TM9SF2: variants seen among roughly 807,000 people sequenced by gnomAD.
TM9SF2 encodes the protein transmembrane 9 superfamily member 2, also known as 76 kDa membrane protein.
Under a neutral mutation model 84.9 loss-of-function variants are expected in TM9SF2, and 13 were observed. The observed-to-expected ratio is 0.15, with a 90% CI of 0.10 to 0.24. TM9SF2 has a LOEUF of 0.24. TM9SF2 is among the 10% of genes least tolerant of loss of function. The probability of loss-of-function intolerance (pLI) is 1.00; values close to 1 mark genes in which losing one functional copy is unlikely to be tolerated. For missense variants in TM9SF2, 562 were observed against 818.5 expected (o/e 0.69, Z 3.82); for synonymous variants, 273 against 285.8 (o/e 0.96, Z 0.45).
At chr13:99,554,511 TTTTG>T (rs1289564121) in intron 14 of TM9SF2, 56 bp downstream of exon 14, 41 of 1,545,754 alleles carry the variant, frequency 2.7e-5, no homozygotes, top group Non-Finnish European at 7.0e-6. Flanking sequence ...AATATTTCCT[TTTTG>T]TTTGTTTATA....
intron 3 of TM9SF2, among the ~76,000 whole-genome samples, chr13:99,522,786 T>G (rs2046166072): frequency 6.6e-6 from 1 of 152,210 alleles, no homozygotes; most frequent in African/African-American, 2.4e-5. Flanking sequence ...TGGGGCAGAC[T>G]TTGAAGGCAG....
At chr13:99,547,221 G>T in intron 11 of TM9SF2, 117 bp downstream of exon 11, 1 of 1,400,394 alleles carries the variant, frequency 7.1e-7, no homozygotes. Flanking sequence ...ATAGGGGTCT[G>T]TTCTTAGTTA....
intron 4 of TM9SF2, among the ~76,000 whole-genome samples, chr13:99,535,121 C>A (rs2139093006): frequency 1.3e-5 from 2 of 152,254 alleles, no homozygotes; most frequent in South Asian, 4.2e-4. Flanking sequence ...TACTGCACTC[C>A]AGCCTGGGTG....
intron 1 of TM9SF2, 72 bp downstream of exon 1, chr13:99,501,849 C>G: frequency 6.5e-7 from 1 of 1,541,176 alleles, no homozygotes; most frequent in Non-Finnish European, 8.7e-7. Flanking sequence ...GGGAGCTGAT[C>G]CTCGGGTGGG....
At chr13:99,509,966 A>G (rs567149547) in intron 1 of TM9SF2, among the ~76,000 whole-genome samples, 1 of 152,350 alleles carries the variant, frequency 6.6e-6, no homozygotes, top group Non-Finnish European at 1.5e-5. Context: ...CCCTTCAGCT[A>G]AGATAGGCTG....
chr13:99,537,000 CCTAA>C (rs755607441), intron 5 of TM9SF2, among the ~76,000 whole-genome samples: 3 of 152,036 alleles, frequency 2.0e-5, no homozygotes, highest in Non-Finnish European at 2.9e-5. Context: ...AGAAGTTTGT[CCTAA>C]CTCTCATAAA....
intron 1 of TM9SF2, among the ~76,000 whole-genome samples, chr13:99,506,873 A>G (rs964727583): frequency 6.6e-6 from 1 of 152,164 alleles, no homozygotes; most frequent in South Asian, 2.1e-4. Flanking sequence ...TCCTGTCACC[A>G]TGGTCTCTCA....
intron 9 of TM9SF2, 23 bp from the exon 10 acceptor site, chr13:99,543,840 A>G (rs1024780444): frequency 6.2e-7 from 1 of 1,612,498 alleles, no homozygotes; most frequent in Non-Finnish European, 8.5e-7. Context: ...GAGACAATCG[A>G]ACTGATTTCA....
chr13:99,529,037 A>G (rs1461324895), intron 3 of TM9SF2, among the ~76,000 whole-genome samples: 1 of 142,762 alleles, frequency 7.0e-6, no homozygotes, highest in Non-Finnish European at 1.6e-5. Flanking sequence ...CCTGACACTT[A>G]AGGAGGGCAC....
chr13:99,504,557 C>T (rs1440146612), intron 1 of TM9SF2, among the ~76,000 whole-genome samples: 2 of 152,144 alleles, frequency 1.3e-5, no homozygotes, highest in Non-Finnish European at 1.5e-5. Context: ...AAGTTTGTCT[C>T]ATGCATTTAG....
chr13:99,531,610 G>A (rs931527218), intron 4 of TM9SF2, among the ~76,000 whole-genome samples: 2 of 152,138 alleles, frequency 1.3e-5, no homozygotes, highest in African/African-American at 4.8e-5. Flanking sequence ...ACATCTACCT[G>A]AACCCCATAA....
chr13:99,535,053 C>A (rs2046227878), intron 4 of TM9SF2, among the ~76,000 whole-genome samples: 1 of 151,910 alleles, frequency 6.6e-6, no homozygotes, highest in East Asian at 1.9e-4. Flanking sequence ...TTGGGAGGCA[C>A]AGATGGGAGG....
Position 99,562,995 on chromosome 13 carries a change from GAGCAAATTTAAATAT to G in TM9SF2, c.*238_*252del, listed in dbSNP as rs1170235002. On this transcript the variant is annotated 3_prime_UTR_variant, in exon 17 of 17. Coordinates refer to ENST00000376387, the MANE Select transcript of TM9SF2 (RefSeq NM_004800.3). ...TATATATTTGGTTGTTCTCAATGAA[GAGCAAATTTAAATAT>G]TATGTGCATTTGTAAATACAGTAGC... is the stretch of plus-strand genomic sequence containing the variant. The G allele has an allele frequency of 2.6e-6, 1 of 378,484 alleles. No individual in the cohort carries two copies. The highest frequency in any genetic ancestry group is 2.1e-5 in the African/African-American group (1 of 47,904). The allele number at this position is 378,484 out of a possible 1,614,324, so 23.4% of individuals were successfully genotyped here.
chr13:99,551,921 T>C (rs1018347950), intron 12 of TM9SF2, among the ~76,000 whole-genome samples: 24 of 152,152 alleles, frequency 1.6e-4, no homozygotes, highest in Admixed American at 5.9e-4. Flanking sequence ...CAATCCCAAG[T>C]GTAATGAAAA....
At chr13:99,549,036 T>G in intron 11 of TM9SF2, 129 bp from the exon 12 acceptor site, 1 of 669,094 alleles carries the variant, frequency 1.5e-6, no homozygotes, top group South Asian at 1.9e-5. Context: ...TTATATTTGC[T>G]AGTACCATTT....
intron 1 of TM9SF2, among the ~76,000 whole-genome samples, chr13:99,502,017 A>C (rs955340581): frequency 1.3e-5 from 2 of 152,198 alleles, no homozygotes; most frequent in Non-Finnish European, 2.9e-5. Flanking sequence ...TTGCGGGCCA[A>C]GTGGCACGAG....
intron 3 of TM9SF2, among the ~76,000 whole-genome samples, chr13:99,525,276 C>G (rs963216197): frequency 6.6e-6 from 1 of 152,150 alleles, no homozygotes; most frequent in Non-Finnish European, 1.5e-5. Context: ...CAGTCTTACT[C>G]TGTTGTCCAG....
rs369660579 is a variant in TM9SF2 at position 99,541,773 on chromosome 13, AAAAAAC to A, written c.1017+124_1017+129del. 2.1e-4 allele frequency: 147 copies of A among 707,814 alleles called. No homozygotes were observed. The East Asian group carries it at 2.2e-3, about 10-fold the overall frequency. The allele number at this position is 707,814 out of a possible 1,614,324, so 43.8% of individuals were successfully genotyped here. Reference sequence around the variant, plus strand: ...AGAATCTGCTTTTAAAACATTCTTCAAAAAACAAAAACAAAAACAAAAAAATTCTTC... The same window carrying A: ...AGAATCTGCTTTTAAAACATTCTTCAAAAAACAAAAACAAAAAAATTCTTC... On this transcript the variant is annotated intron_variant, in intron 9 of 16. Coordinates refer to ENST00000376387, the MANE Select transcript of TM9SF2 (RefSeq NM_004800.3).
intron 13 of TM9SF2, 114 bp downstream of exon 13, chr13:99,552,440 C>A: frequency 9.5e-7 from 1 of 1,053,434 alleles, no homozygotes; most frequent in Non-Finnish European, 1.4e-6. Context: ...CCTTTAGGAT[C>A]TGGATTTCAT....
Sources: allele counts gnomAD v4.1 joint callset (sites outside exome capture counted in the v4.1 genomes callset), GRCh38; gene constraint gnomAD v4.1.1; transcripts MANE v1.5; gene names NCBI Gene and HGNC (gene_info 2026-07-23, HGNC 2026-07-21).